The following PPP6R3 variants were observed in gnomAD, a reference collection of about 807,000 sequenced individuals.
PPP6R3 encodes serine/threonine-protein phosphatase 6 regulatory subunit 3.
PPP6R3 carries 38 observed loss-of-function variants against 110.7 expected under a neutral mutation model. The observed-to-expected ratio is 0.34, with a 90% CI of 0.26 to 0.45. The LOEUF is 0.45. Among genes scored for constraint, PPP6R3 ranks in the 20% least tolerant of loss-of-function variants. PPP6R3 has a pLI of 1.00. For synonymous variants in PPP6R3, 369 were observed against 373.5 expected, an observed-to-expected ratio of 0.99 and a Z score of 0.14; for missense variants, 870 against 1,062.4, an observed-to-expected ratio of 0.82 and a Z score of 2.52.
intron 16 of PPP6R3, among the ~76,000 whole-genome samples, chr11:68,588,588 G>A (rs1376430539): frequency 2.6e-5 from 4 of 151,750 alleles, no homozygotes; most frequent in African/African-American, 9.7e-5. Flanking sequence ...CTCCTTAGTA[G>A]CTGGGACTAC....
intron 19 of PPP6R3, among the ~76,000 whole-genome samples, chr11:68,597,447 A>G (rs1282545878): frequency 6.6e-6 from 1 of 152,230 alleles, no homozygotes; most frequent in African/African-American, 2.4e-5. Context: ...TTGACTAAGA[A>G]GATCATTATT....
intron 1 of PPP6R3, among the ~76,000 whole-genome samples, chr11:68,497,421 C>G (rs928176645): frequency 6.6e-6 from 1 of 152,046 alleles, no homozygotes; most frequent in East Asian, 1.9e-4. Flanking sequence ...GCTGCGATCA[C>G]TGCTCACTGC....
At chr11:68,503,007 G>C (rs941006733) in intron 1 of PPP6R3, among the ~76,000 whole-genome samples, 15 of 152,180 alleles carry the variant, frequency 9.9e-5, no homozygotes. Context: ...GCAGTGGTGT[G>C]ATACTGGCTC....
chr11:68,558,723 C>G (rs1254191324), intron 8 of PPP6R3, 44 bp downstream of exon 8: 1 of 1,451,986 alleles, frequency 6.9e-7, no homozygotes, highest in South Asian at 1.2e-5. Flanking sequence ...TGTTGTTTTG[C>G]TTTCAGATTT....
At chr11:68,465,879 G>A (rs1361289754) in intron 1 of PPP6R3, among the ~76,000 whole-genome samples, 1 of 152,222 alleles carries the variant, frequency 6.6e-6, no homozygotes, top group Non-Finnish European at 1.5e-5. Flanking sequence ...GTTACACTTT[G>A]TTACTCATTT....
At chr11:68,608,925 G>A (rs1941870579) in intron 22 of PPP6R3, among the ~76,000 whole-genome samples, 1 of 152,154 alleles carries the variant, frequency 6.6e-6, no homozygotes, top group Non-Finnish European at 1.5e-5. Context: ...TAATTCAGAT[G>A]ATCACTAAAT....
At chr11:68,483,232 C>T (rs112198298) in intron 1 of PPP6R3, among the ~76,000 whole-genome samples, 1,892 of 152,242 alleles carry the variant, frequency 0.012, 17 homozygotes, top group African/African-American at 0.029. Flanking sequence ...AAATGAGATA[C>T]GACATTGCTT....
At position 68,545,009 on chromosome 11, in the gene PPP6R3, C is replaced by G; in HGVS notation, c.399C>G (p.Ser133Arg). 6.2e-7 allele frequency: 1 copy of G among 1,601,212 alleles called. No homozygotes were observed. The highest frequency in any genetic ancestry group is 8.6e-7 in the Non-Finnish European group (1 of 1,168,698). ...GCAAGGTGCTAAGTATTCTTATCAG[C>G]AGAAAACCAGAACAGGTAAATATGA... is the stretch of plus-strand genomic sequence containing the variant. ...FFSKVLSILI[S>R]RKPEQIVDFL... Residue 133 changes from serine (S) to arginine (R), a missense_variant, in exon 4 of 24, where the codon AGC becomes AGG. Ser to Arg is a moderately radical substitution (Grantham distance 110). Coordinates refer to ENST00000393800, the MANE Select transcript of PPP6R3 (RefSeq NM_001164161.2).
chr11:68,600,589 T>C (rs1297048208), intron 20 of PPP6R3, 95 bp downstream of exon 20: 13 of 1,397,214 alleles, frequency 9.3e-6, no homozygotes, highest in Non-Finnish European at 1.1e-5. Flanking sequence ...CTTGACTGAC[T>C]TCCAAGTTGA....
intron 1 of PPP6R3, among the ~76,000 whole-genome samples, chr11:68,519,198 G>GAAC (rs2099151775): frequency 6.6e-6 from 1 of 152,142 alleles, no homozygotes; most frequent in Non-Finnish European, 1.5e-5. Flanking sequence ...TAGAATTGAT[G>GAAC]TTTTCAGAAG....
chr11:68,460,969 C>G (rs1258235820), intron 1 of PPP6R3, 142 bp downstream of exon 1: 11 of 151,706 alleles, frequency 7.3e-5, no homozygotes, highest in Admixed American at 7.2e-4. Flanking sequence ...CCCCGGAATT[C>G]GTCGCTCCGC....
intron 1 of PPP6R3, among the ~76,000 whole-genome samples, chr11:68,494,596 TAAA>T (rs1012847657): frequency 4.6e-5 from 7 of 152,182 alleles, no homozygotes; most frequent in African/African-American, 1.7e-4. Context: ...GAAAAATTAA[TAAA>T]AAGCTAAATA....
chr11:68,602,572 G>A (rs1252176744), intron 21 of PPP6R3, among the ~76,000 whole-genome samples: 1 of 152,142 alleles, frequency 6.6e-6, no homozygotes. Flanking sequence ...ATCATGAGGT[G>A]GGCTTAAGGA....
rs747348539 is a variant in PPP6R3 at position 68,576,041 on chromosome 11, C to A, written c.1543C>A (p.Leu515Ile). ...GETNKRNTVD[L>I]VTTCHIHSSS... ...AACTAACAAGAGGAACACGGTAGAT[C>A]TAGTAGGTTTTACAAGGTTACATTT... Residue 515 changes from leucine to isoleucine, a missense_variant and splice_region_variant, in exon 14 of 24, where the codon CTA becomes ATA. Transcript: ENST00000393800. 1.9e-6 allele frequency: 3 copies of A among 1,597,398 alleles called. No individual in the cohort carries two copies. The highest frequency in any genetic ancestry group is 1.7e-5 in the Admixed American group (1 of 59,410).
chr11:68,582,140 T>C (rs894927488), intron 14 of PPP6R3, among the ~76,000 whole-genome samples: 1 of 152,178 alleles, frequency 6.6e-6, no homozygotes, highest in East Asian at 1.9e-4. Flanking sequence ...TTCCCTAAGA[T>C]GACATTCCCT....
At chr11:68,464,623 T>C (rs1346140431) in intron 1 of PPP6R3, among the ~76,000 whole-genome samples, 2 of 152,232 alleles carry the variant, frequency 1.3e-5, no homozygotes, top group African/African-American at 2.4e-5. Flanking sequence ...TTAGATGGTA[T>C]ACTTAACCAT....
chr11:68,571,384 T>C lies in PPP6R3; in HGVS notation c.1343+280T>C, dbSNP rs534014378. Among the ~76,000 whole-genome samples, 28 of 152,360 alleles carry C rather than the reference T, an allele frequency of 1.8e-4. 1 individual carries two copies. The South Asian group carries it at 3.3e-3, about 18-fold the overall frequency. ...TTCCTGGTCCTTTTTGAATGGCTAC[T>C]GTTCTAAGAGTTATAAGGTTAAAGT... On this transcript the variant is annotated intron_variant, in intron 12 of 23. Coordinates refer to ENST00000393800, the MANE Select transcript of PPP6R3 (RefSeq NM_001164161.2).
intron 18 of PPP6R3, among the ~76,000 whole-genome samples, chr11:68,593,905 C>T (rs1435341986): frequency 2.0e-5 from 3 of 151,558 alleles, no homozygotes; most frequent in Non-Finnish European, 4.4e-5. Context: ...TGCTGTGAGG[C>T]GAAGCAGGAG....
chr11:68,477,741 A>AAAAATATATATATATATATATATAT, intron 1 of PPP6R3, among the ~76,000 whole-genome samples: 8 of 57,908 alleles, frequency 1.4e-4, no homozygotes, highest in Non-Finnish European at 1.7e-4. Flanking sequence ...AAAAAAAAAA[A>AAAAATATATATATATATATATATAT]ATATATATAT....
Sources: allele counts gnomAD v4.1 joint callset (sites outside exome capture counted in the v4.1 genomes callset), GRCh38; gene constraint gnomAD v4.1.1; transcripts MANE v1.5; gene names NCBI Gene and HGNC (gene_info 2026-07-23, HGNC 2026-07-21).